Variants in ELFN1 observed in about 807,000 individuals in gnomAD.
The protein encoded by ELFN1 is protein ELFN1.
Under a neutral mutation model 7.6 loss-of-function variants are expected in ELFN1, and 6 were observed. That is an observed-to-expected ratio of 0.79 (90% CI 0.43 to 1.56). The LOEUF is 1.56. ELFN1 is among the 40% of genes most tolerant of loss of function. The pLI, the probability that ELFN1 is intolerant of heterozygous loss-of-function variation, is 0.01. For synonymous variants in ELFN1, 657 were observed against 588.1 expected (o/e 1.12, Z -1.70); for missense variants, 1,169 against 1,232.2 (o/e 0.95, Z 0.77).
At chr7:1,701,223 T>C (rs1258374738) in intron 2 of ELFN1, among the ~76,000 whole-genome samples, 1 of 152,118 alleles carries the variant, frequency 6.6e-6, no homozygotes, top group Non-Finnish European at 1.5e-5. Context: ...TCTTGATCTG[T>C]TGGCCAGGCT....
chr7:1,725,278 C>G (rs963720038), intron 3 of ELFN1, among the ~76,000 whole-genome samples: 1 of 152,236 alleles, frequency 6.6e-6, no homozygotes, highest in South Asian at 2.1e-4. Context: ...GGAGGCTGCC[C>G]GGCCAGAATC....
intron 3 of ELFN1, among the ~76,000 whole-genome samples, chr7:1,718,308 A>G (rs1165816592): frequency 6.6e-6 from 1 of 152,218 alleles, no homozygotes; most frequent in Non-Finnish European, 1.5e-5. Flanking sequence ...GAGGAAGAGG[A>G]GAATAGGGAC....
chr7:1,691,470 G>A (rs187577563), intron 2 of ELFN1, among the ~76,000 whole-genome samples: 5 of 152,304 alleles, frequency 3.3e-5, no homozygotes, highest in East Asian at 1.9e-4. Context: ...TTGGGTAAGC[G>A]CTGTGGTCCC....
At chr7:1,668,653 G>C (rs1401241326), upstream of ELFN1, among the ~76,000 whole-genome samples, 1 of 152,210 alleles carries the variant, frequency 6.6e-6, no homozygotes, top group Non-Finnish European at 1.5e-5. Context: ...AGACAGGCAG[G>C]GAGGAGAGGG....
rs1031556743 is a variant in ELFN1 at position 1,745,398 on chromosome 7, G to A, written c.802G>A (p.Gly268Arg). Residue 268 changes from glycine to arginine, a missense_variant, in exon 4 of 4, where the codon GGG (glycine) becomes AGG (arginine). Around this residue, in one of 2 missense-constraint regions of ELFN1, gnomAD observed 914 missense variants for 872.6 expected, o/e 1.05. Coordinates refer to ENST00000424383, the MANE Select transcript of ELFN1 (RefSeq NM_001128636.4). Reference sequence around the variant, plus strand: ...GGTCGGGCCCCCACGTCCAGCATCCGGGCGCTCACAGCCGGGCCGCTCCCC... The same window carrying A: ...GGTCGGGCCCCCACGTCCAGCATCCAGGCGCTCACAGCCGGGCCGCTCCCC... Reference protein sequence around the residue: ...EVVGPPRPASGRSQPGRSPPP... With the variant: ...EVVGPPRPASRRSQPGRSPPP... 11 of 1,539,080 alleles carry A rather than the reference G, an allele frequency of 7.1e-6. No homozygotes were observed. The highest frequency in any genetic ancestry group is 8.7e-6 in the Non-Finnish European group (10 of 1,145,906).
chr7:1,690,493 T>C (rs903070397), intron 2 of ELFN1, among the ~76,000 whole-genome samples: 1 of 150,154 alleles, frequency 6.7e-6, no homozygotes, highest in African/African-American at 2.5e-5. Flanking sequence ...GGTGGGTAGA[T>C]AAGTGGATGG....
At chr7:1,711,567 C>G (rs55946727) in intron 3 of ELFN1, among the ~76,000 whole-genome samples, 1 of 35,052 alleles carries the variant, frequency 2.9e-5, no homozygotes, top group Non-Finnish European at 5.6e-5. Flanking sequence ...GAAGAGAGAG[C>G]GAGAGAGTGA....
chr7:1,669,176 C>T (rs1002595170), upstream of ELFN1, among the ~76,000 whole-genome samples: 4 of 152,286 alleles, frequency 2.6e-5, no homozygotes, highest in Non-Finnish European at 5.9e-5. Flanking sequence ...CGTTCATTCA[C>T]ATTCCCTCTC....
intron 3 of ELFN1, among the ~76,000 whole-genome samples, chr7:1,734,964 G>A (rs570317632): frequency 6.6e-6 from 1 of 152,272 alleles, no homozygotes; most frequent in African/African-American, 2.4e-5. Context: ...CAAAGTGCTG[G>A]GATGACAGGT....
intron 2 of ELFN1, chr7:1,693,391 C>T: frequency 2.1e-6 from 1 of 471,202 alleles, no homozygotes; most frequent in African/African-American, 2.0e-5. Context: ...TGTACACACA[C>T]TGGTGTGCCT....
chr7:1,681,405 C>G (rs1245578299), intron 1 of ELFN1, among the ~76,000 whole-genome samples: 10 of 152,050 alleles, frequency 6.6e-5, no homozygotes, highest in Admixed American at 6.5e-4. Flanking sequence ...CTCTGTCACC[C>G]AGGCTGGAGT....
intron 3 of ELFN1, among the ~76,000 whole-genome samples, chr7:1,728,447 G>T (rs1030044105): frequency 5.9e-5 from 9 of 152,242 alleles, no homozygotes; most frequent in African/African-American, 1.9e-4. Context: ...GGCTGGGCGA[G>T]CAGAAGCCAG....
In ELFN1 at chr7:1,702,824, A is replaced by C. The variant is rs369528305; in HGVS notation, c.-455-6267A>C. Among the ~76,000 whole-genome samples the C allele has an allele frequency of 2.6e-5, 4 of 151,256 alleles. 1 individual carries two copies. Among genetic ancestry groups the C allele is most frequent in the African/African-American group, 9.9e-5 (4 of 40,598 alleles). On this transcript the variant is annotated intron_variant, in intron 2 of 3. Transcript: ENST00000424383. ...AATTTTTGTTTCTTTTTCTTGCCTT[A>C]TTGCAATGGCTGCAGCTACTAGCAC...
At chr7:1,689,160 G>T (rs555226526) in intron 2 of ELFN1, among the ~76,000 whole-genome samples, 1 of 152,318 alleles carries the variant, frequency 6.6e-6, no homozygotes, top group South Asian at 2.1e-4. Context: ...CATTCAAGTT[G>T]TGATGCTTAT....
At position 1,746,630 on chromosome 7, in the gene ELFN1, C is replaced by T. The variant is rs1258629761; in HGVS notation, c.2034C>T (p.Asp678=). ...KYIEKGSPAA[D]AILTVTPAAA... ...TCGAGAAGGGCTCCCCCGCGGCCGA[C>T]GCCATCCTCACTGTGACACCCGCGG... Residue 678 remains aspartate (D), a synonymous_variant, in exon 4 of 4, where the codon GAC becomes GAT. Coordinates refer to ENST00000424383, the MANE Select transcript of ELFN1 (RefSeq NM_001128636.4). 14 of 1,353,624 alleles carry T rather than the reference C, an allele frequency of 1.0e-5. No individual in the cohort carries two copies. Among genetic ancestry groups the T allele is most frequent in the Admixed American group, 4.0e-5 (1 of 25,028 alleles). 83.9% of individuals were successfully genotyped at this position (1,353,624 alleles called of 1,614,324 possible).
In ELFN1 at chr7:1,706,809, C is replaced by T. The variant is rs564623478; in HGVS notation, c.-455-2282C>T. On this transcript the variant is annotated intron_variant, in intron 2 of 3. Coordinates refer to ENST00000424383, the MANE Select transcript of ELFN1 (RefSeq NM_001128636.4). ...GCACCCCACCTTGTGTCCAGCCCCT[C>T]GGGTGCCATGCGTTGGCAGATGCTA... 3.3e-5 allele frequency among the ~76,000 whole-genome samples: 5 copies of T among 152,342 alleles called. No homozygotes were observed. In the South Asian group the frequency reaches 8.3e-4, roughly 25 times the overall value.
At chr7:1,696,243 AGAGAGAAAGAGGGTGAGAGG>A (rs897561831) in intron 2 of ELFN1, among the ~76,000 whole-genome samples, 16 of 151,446 alleles carry the variant, frequency 1.1e-4, no homozygotes, top group African/African-American at 3.6e-4. Context: ...AGAGGGAGAG[AGAGAGAAAGAGGGTGAGAGG>A]GAGAGAAAGA....
intron 3 of ELFN1, among the ~76,000 whole-genome samples, chr7:1,715,288 G>A (rs915552584): frequency 5.9e-5 from 9 of 152,154 alleles, no homozygotes; most frequent in African/African-American, 2.2e-4. Context: ...GCTGCATGCT[G>A]GCATTTGTGA....
rs538116144 is a variant in ELFN1 at position 1,692,774 on chromosome 7, C to A, written c.-456+4624C>A. On this transcript the variant is annotated intron_variant, in intron 2 of 3. Transcript: ENST00000424383. ...TGCTGTGTGACCTAGGGTCAGTTACCTTACGTCTCTGAGCTTCTATTAATA... is the reference window on the plus strand; with the variant it reads ...TGCTGTGTGACCTAGGGTCAGTTACATTACGTCTCTGAGCTTCTATTAATA... 7 of 157,314 alleles carry A rather than the reference C, an allele frequency of 4.4e-5. No homozygotes were observed. The South Asian group carries it at 1.4e-3, about 31-fold the overall frequency. The allele number at this position is 157,314 out of a possible 1,614,324, so 9.7% of individuals were successfully genotyped here.
Sources: gnomAD v4.1 joint callset for allele counts (sites outside exome capture counted in the v4.1 genomes callset) on GRCh38, gnomAD v4.1.1 for gene constraint, gnomAD v4.1.1 regional missense constraint, MANE v1.5 for transcripts, NCBI Gene and HGNC (gene_info 2026-07-23, HGNC 2026-07-21) for gene names.